Variants in TERT observed in about 807,000 individuals in gnomAD.
TERT encodes the protein telomerase catalytic subunit.
In TERT, 42 loss-of-function variants were observed where a neutral mutation model predicts 104.0. That is an observed-to-expected ratio of 0.40 (90% CI 0.32 to 0.52). The LOEUF is 0.52. TERT is among the 20% of genes least tolerant of loss of function. TERT has a pLI of 0.43. For synonymous variants in TERT, 781 were observed against 725.6 expected, an observed-to-expected ratio of 1.08 and a Z score of -1.23; for missense variants, 1,101 against 1,610.3, an observed-to-expected ratio of 0.68 and a Z score of 5.41.
Position 1,268,500 on chromosome 5 carries a change from T to A in TERT, c.2582+20A>T. 6.3e-7 allele frequency: 1 copy of A among 1,598,520 alleles called. No homozygotes were observed. The highest frequency in any genetic ancestry group is 8.6e-7 in the Non-Finnish European group (1 of 1,167,242). ...AAATCAACCCCCACCCAAGCCCCCC[T>A]GGGGAAGAGGAGGCCTCACCCGTCC... On this transcript the variant is annotated intron_variant, in intron 9 of 15. Transcript: ENST00000310581. The surrounding 1 kb of genome is among the most constrained non-coding windows in gnomAD (Gnocchi z 5.5).
At chr5:1,284,075 G>T (rs1750280291) in intron 2 of TERT, among the ~76,000 whole-genome samples, 2 of 141,636 alleles carry the variant, frequency 1.4e-5, no homozygotes, top group Admixed American at 7.2e-5. Context: ...TCACAGCAGG[G>T]CCTGGCAACC....
chr5:1,279,208 C>G, intron 5 of TERT, 83 bp downstream of exon 5: 1 of 1,474,676 alleles, frequency 6.8e-7, no homozygotes, highest in Non-Finnish European at 9.2e-7. Flanking sequence ...CCAGGAGTAC[C>G]TCCTCCACCC....
chr5:1,284,020 C>T (rs4449583), intron 2 of TERT, among the ~76,000 whole-genome samples: 34,649 of 134,566 alleles, frequency 0.26, 3,351 homozygotes, highest in Middle Eastern at 0.38. Context: ...CAGGGCCTGG[C>T]GACCTCACCC....
rs749200840 is a variant in TERT at position 1,294,427 on chromosome 5, C to T, written c.459G>A (p.Leu153=). The T allele has an allele frequency of 5.0e-6, 8 of 1,591,866 alleles. No homozygotes were observed. The highest frequency in any genetic ancestry group is 1.7e-4 in the Middle Eastern group (1 of 5,896). Residue 153 remains leucine (L), a synonymous_variant, in exon 2 of 16, where the codon CTG becomes CTA. Coordinates refer to ENST00000310581, the MANE Select transcript of TERT (RefSeq NM_198253.3). ...CCAGCACAAAGAGCGCGCAGCGTGC[C>T]AGCAGGTGAACCAGCACGTCGTCGC... ...RVGDDVLVHL[L]ARCALFVLVA... is the part of the protein sequence containing the mutation.
At position 1,268,630 on chromosome 5, in the gene TERT, G is replaced by A; in HGVS notation, c.2472C>T (p.Ser824=). The change falls in exon 9 of 16, where the codon TCC becomes TCT. Residue 824 remains serine (S), a synonymous_variant. Transcript: ENST00000310581. This position sits in a 1 kb window ranked among gnomAD's most constrained non-coding sequence, Gnocchi z 5.5. ...GCGGGATCCCCTGGCACTGGACGTA[G>A]GACCTGGGGCGGGAAGACACAGGTG... ...CHHAVRIRGK[S]YVQCQGIPQG... is the part of the protein sequence containing the mutation. The A allele has an allele frequency of 6.2e-7, 1 of 1,611,196 alleles. No individual in the cohort carries two copies.
At position 1,288,902 on chromosome 5, in the gene TERT, T is replaced by A. The variant is rs1750657912; in HGVS notation, c.1573+4411A>T. ...GAGAGCCTGCAGTCCCGTGTCCCCG[T>A]AGCAAAATGGAACGGAGAGGTGACC... is the stretch of plus-strand genomic sequence containing the variant. On this transcript the variant is annotated intron_variant, in intron 2 of 15. Coordinates refer to ENST00000310581, the MANE Select transcript of TERT (RefSeq NM_198253.3). This position sits in a 1 kb window ranked among gnomAD's most constrained non-coding sequence, Gnocchi z 5.3. Among the ~76,000 whole-genome samples the A allele has an allele frequency of 6.6e-6, 1 of 152,116 alleles. No individual in the cohort carries two copies. Among genetic ancestry groups the A allele is most frequent in the Non-Finnish European group, 1.5e-5 (1 of 68,016 alleles).
chr5:1,273,867 C>T (rs897899709), intron 6 of TERT, among the ~76,000 whole-genome samples: 3 of 152,096 alleles, frequency 2.0e-5, no homozygotes, highest in East Asian at 1.9e-4. Flanking sequence ...AAGTGGCACT[C>T]GAGCTCCCGG....
chr5:1,271,077 C>T (rs774978961), intron 8 of TERT, 42 bp downstream of exon 8: 1 of 1,549,410 alleles, frequency 6.5e-7, no homozygotes, highest in South Asian at 1.1e-5. Context: ...GCCAGCCCGC[C>T]CAGCCACCCG....
chr5:1,294,729 C>T (rs1355567394), intron 1 of TERT, 42 bp downstream of exon 1: 1 of 1,569,150 alleles, frequency 6.4e-7, no homozygotes, highest in Admixed American at 1.8e-5. Context: ...TCCCCCCGGC[C>T]GCCCTCAACC....
Position 1,256,584 on chromosome 5 carries a change from T to C in TERT, c.3033-1173A>G, listed in dbSNP as rs1246127844. On this transcript the variant is annotated intron_variant, in intron 13 of 15. Coordinates refer to ENST00000310581, the MANE Select transcript of TERT (RefSeq NM_198253.3). The surrounding 1 kb of genome is among the most constrained non-coding windows in gnomAD (Gnocchi z 7.0). ...GCCTGAGCCCCCCATGTACCTGGTC[T>C]CACTGACTTCCTGAGCCACTTCTGG... Among the ~76,000 whole-genome samples the C allele has an allele frequency of 6.6e-6, 1 of 151,576 alleles. No individual in the cohort carries two copies. Among genetic ancestry groups the C allele is most frequent in the Non-Finnish European group, 1.5e-5 (1 of 67,976 alleles).
intron 10 of TERT, among the ~76,000 whole-genome samples, chr5:1,264,912 A>G (rs1396073839): frequency 6.6e-6 from 1 of 152,210 alleles, no homozygotes; most frequent in African/African-American, 2.4e-5. Flanking sequence ...CAACACCACA[A>G]TCCCGTTATA....
rs762204084 is a variant in TERT at position 1,287,508 on chromosome 5, AATAT to A, written c.1574-4888_1574-4885del. Among the ~76,000 whole-genome samples, 179 of 140,718 alleles carry A rather than the reference AATAT, an allele frequency of 1.3e-3. 1 individual carries two copies. Among genetic ancestry groups the A allele is most frequent in the Middle Eastern group, 3.7e-3 (1 of 272 alleles). 92.3% of individuals were successfully genotyped at this position (140,718 alleles called of 152,430 possible). ...CCAAGACTCTGTCTCAAAAAAAAAA[AATAT>A]ATATATATATATATAAATTAAAGGC... On this transcript the variant is annotated intron_variant, in intron 2 of 15. Transcript: ENST00000310581. This position sits in a 1 kb window ranked among gnomAD's most constrained non-coding sequence, Gnocchi z 4.3.
rs752928726 is a variant in TERT, at chr5:1,255,271, A to G, written c.3157+16T>C. On this transcript the variant is annotated intron_variant, in intron 14 of 15. Coordinates refer to ENST00000310581, the MANE Select transcript of TERT (RefSeq NM_198253.3). This position sits in a 1 kb window ranked among gnomAD's most constrained non-coding sequence, Gnocchi z 6.9. The stretch of plus-strand genomic sequence containing the variant: ...GGCAGGCACTGCTGCCACTGAGGCC[A>G]GGCACCTGCACATACCTGCGTTCTT... 1.2e-6 allele frequency: 2 copies of G among 1,612,770 alleles called. No individual in the cohort carries two copies. The highest frequency in any genetic ancestry group is 4.5e-5 in the East Asian group (2 of 44,854).
At chr5:1,291,326 A>C (rs373554998) in intron 2 of TERT, among the ~76,000 whole-genome samples, 1 of 28,202 alleles carries the variant, frequency 3.5e-5, no homozygotes, top group Non-Finnish European at 5.8e-5. Context: ...CACTCACCCT[A>C]CACGTGACAG....
chr5:1,264,291 C>T (rs1748434648), intron 11 of TERT, 113 bp downstream of exon 11: 4 of 1,197,940 alleles, frequency 3.3e-6, no homozygotes, highest in Admixed American at 2.0e-5. Context: ...GCCTCTGACC[C>T]TTTGGGATTG....
In TERT at chr5:1,256,873, C is replaced by A. The variant is rs1422699300; in HGVS notation, c.3033-1462G>T. 1.3e-5 allele frequency among the ~76,000 whole-genome samples: 2 copies of A among 152,194 alleles called. No homozygotes were observed. The highest frequency in any genetic ancestry group is 2.9e-5 in the Non-Finnish European group (2 of 68,042). On this transcript the variant is annotated intron_variant, in intron 13 of 15. Transcript: ENST00000310581. This position sits in a 1 kb window ranked among gnomAD's most constrained non-coding sequence, Gnocchi z 7.0. ...AGAGGTCGGGGCGTCCACCCCAAGC[C>A]CGTGTGGAGGCGCGGCCAGCACGGG...
chr5:1,282,235 A>G (rs1302068486), intron 3 of TERT, among the ~76,000 whole-genome samples, 194 bp downstream of exon 3: 1 of 152,254 alleles, frequency 6.6e-6, no homozygotes, highest in Non-Finnish European at 1.5e-5. Flanking sequence ...TTTTACAAGT[A>G]AGAGAACGTG....
chr5:1,278,238 C>G (rs932868641), intron 6 of TERT, among the ~76,000 whole-genome samples: 2 of 152,176 alleles, frequency 1.3e-5, no homozygotes, highest in Non-Finnish European at 2.9e-5. Flanking sequence ...GACAATGGTG[C>G]GGACCATGCC....
chr5:1,289,436 T>TGC, intron 2 of TERT, among the ~76,000 whole-genome samples: 1 of 104,852 alleles, frequency 9.5e-6, no homozygotes, highest in Non-Finnish European at 1.9e-5. Flanking sequence ...TCACTCACCC[T>TGC]ACACGTGACA....
Sources: allele counts gnomAD v4.1 joint callset (sites outside exome capture counted in the v4.1 genomes callset), GRCh38; gene constraint gnomAD v4.1.1; non-coding constraint Gnocchi (gnomAD v3.1); transcripts MANE v1.5; gene names NCBI Gene and HGNC (gene_info 2026-07-23, HGNC 2026-07-21).